Variants in CRYBB2 observed in about 807,000 individuals in gnomAD.
CRYBB2 encodes the protein beta-crystallin B2.
CRYBB2 carries 12 observed loss-of-function variants against 24.3 expected under a neutral mutation model. The observed-to-expected ratio is 0.49, with a 90% CI of 0.32 to 0.80. CRYBB2 has a LOEUF of 0.80. Among genes scored for constraint, CRYBB2 ranks in the 30% least tolerant of loss-of-function variants. The pLI, the probability that CRYBB2 is intolerant of heterozygous loss-of-function variation, is 0.04. For synonymous variants in CRYBB2, 98 were observed against 101.6 expected, an observed-to-expected ratio of 0.96 and a Z score of 0.21; for missense variants, 198 against 268.5, an observed-to-expected ratio of 0.74 and a Z score of 1.83.
upstream of CRYBB2, among the ~76,000 whole-genome samples, chr22:25,218,204 A>T (rs1464885294): frequency 6.6e-6 from 1 of 151,718 alleles, no homozygotes; most frequent in South Asian, 2.1e-4. Context: ...GCTTGCAGTG[A>T]GCTGAGATCG....
At position 25,231,632 on chromosome 22, in the gene CRYBB2, C is replaced by G. The variant is rs1388838236; in HGVS notation, c.478C>G (p.Arg160Gly). ...TWVGYQYPGY[R>G]GLQYLLEKGD... The stretch of plus-strand genomic sequence containing the variant: ...GGTTGGCTACCAGTACCCCGGCTAC[C>G]GTGGGCTGCAGTACCTGCTGGAGAA... The change falls in exon 6 of 6, where the codon CGT (arginine) becomes GGT (glycine). Residue 160 changes from arginine to glycine, a missense_variant. Arg to Gly is a moderately radical substitution (Grantham distance 125). Coordinates refer to ENST00000398215, the MANE Select transcript of CRYBB2 (RefSeq NM_000496.3). The G allele has an allele frequency of 1.9e-6, 3 of 1,614,162 alleles. No homozygotes were observed. The highest frequency in any genetic ancestry group is 2.2e-5 in the South Asian group (2 of 91,086).
rs901790107 is a variant in CRYBB2, at chr22:25,230,259, C to T, written c.449+681C>T. ...GCAACCTCCGCCTCCCAGGTTCAAGCGATTCTCCTGCCTTATCCTCCCAAG... is the reference window on the plus strand; with the variant it reads ...GCAACCTCCGCCTCCCAGGTTCAAGTGATTCTCCTGCCTTATCCTCCCAAG... On this transcript the variant is annotated intron_variant, in intron 5 of 5. Coordinates refer to ENST00000398215, the MANE Select transcript of CRYBB2 (RefSeq NM_000496.3). Among the ~76,000 whole-genome samples the T allele has an allele frequency of 6.0e-5, 9 of 149,732 alleles. No homozygotes were observed. In the South Asian group the frequency reaches 1.7e-3, roughly 29 times the overall value.
At chr22:25,230,187 C>T (rs1366573994) in intron 5 of CRYBB2, among the ~76,000 whole-genome samples, 4 of 149,660 alleles carry the variant, frequency 2.7e-5, no homozygotes, top group South Asian at 2.2e-4. Flanking sequence ...GACGGAGGCG[C>T]GCACTTTCGC....
intron 1 of CRYBB2, among the ~76,000 whole-genome samples, chr22:25,220,337 G>C (rs888633107): frequency 6.6e-6 from 1 of 152,220 alleles, no homozygotes; most frequent in Non-Finnish European, 1.5e-5. Flanking sequence ...TTATAGAACA[G>C]GAAGTTGAGG....
upstream of CRYBB2, among the ~76,000 whole-genome samples, chr22:25,218,224 A>C (rs1365691441): frequency 6.6e-6 from 1 of 150,692 alleles, no homozygotes; most frequent in Non-Finnish European, 1.5e-5. Flanking sequence ...GTGCCACTGC[A>C]CTCCAGCCTG....
In CRYBB2 at chr22:25,231,613, C is replaced by T; in HGVS notation, c.459C>T (p.Gly153=). 6.2e-7 allele frequency: 1 copy of T among 1,614,180 alleles called. No homozygotes were observed. The highest frequency in any genetic ancestry group is 8.5e-7 in the Non-Finnish European group (1 of 1,180,018). Residue 153 remains glycine (G), a synonymous_variant, in exon 6 of 6, where the codon GGC becomes GGT. Coordinates refer to ENST00000398215, the MANE Select transcript of CRYBB2 (RefSeq NM_000496.3). ...SVRVQSGTWV[G]YQYPGYRGLQ... is the part of the protein sequence containing the mutation. ...ACCTCTGGCCCTGCAGGTGGGTTGG[C>T]TACCAGTACCCCGGCTACCGTGGGC...
chr22:25,221,898 CT>C (rs1226741434), intron 2 of CRYBB2, among the ~76,000 whole-genome samples: 1 of 152,228 alleles, frequency 6.6e-6, no homozygotes, highest in African/African-American at 2.4e-5. Context: ...TCAGTTCCAT[CT>C]CTATAAAAGG....
intron 2 of CRYBB2, among the ~76,000 whole-genome samples, chr22:25,224,609 T>C (rs1377231941): frequency 6.6e-6 from 1 of 152,080 alleles, no homozygotes; most frequent in African/African-American, 2.4e-5. Context: ...GCTCAAGCAA[T>C]CCTCCCACCT....
intron 3 of CRYBB2, among the ~76,000 whole-genome samples, chr22:25,227,058 C>T (rs141149031): frequency 6.6e-6 from 1 of 152,334 alleles, no homozygotes; most frequent in Non-Finnish European, 1.5e-5. Flanking sequence ...ACAATAAACA[C>T]GACCTCCTCT....
chr22:25,218,777 G>GA (rs35584547), upstream of CRYBB2, among the ~76,000 whole-genome samples: 111 of 26,024 alleles, frequency 4.3e-3, no homozygotes, highest in South Asian at 8.1e-3. Context: ...GAGAGAGAGA[G>GA]AGAAGAAAGA....
At chr22:25,218,629 G>C (rs978555845), upstream of CRYBB2, among the ~76,000 whole-genome samples, 2 of 149,768 alleles carry the variant, frequency 1.3e-5, no homozygotes, top group Non-Finnish European at 3.0e-5. Context: ...TCACACCACT[G>C]CACTCCAGCC....
At chr22:25,226,172 G>C (rs1168201963) in intron 3 of CRYBB2, among the ~76,000 whole-genome samples, 77 of 19,974 alleles carry the variant, frequency 3.9e-3, no homozygotes, top group African/African-American at 8.6e-3. Context: ...ATTTCTCTGT[G>C]TGTGTGTGTG....
chr22:25,219,008 T>C (rs1935276130), upstream of CRYBB2, among the ~76,000 whole-genome samples: 1 of 152,148 alleles, frequency 6.6e-6, no homozygotes, highest in African/African-American at 2.4e-5. Context: ...TTAACCTGTT[T>C]TCAGGTCTTC....
chr22:25,228,142 C>T (rs1258162956), intron 4 of CRYBB2, among the ~76,000 whole-genome samples, 157 bp downstream of exon 4: 1 of 151,416 alleles, frequency 6.6e-6, no homozygotes, highest in Non-Finnish European at 1.5e-5. Flanking sequence ...ACTGGGTGAC[C>T]TTGCAAAAGT....
rs368672977 is a variant in CRYBB2, at chr22:25,228,959, C to T, written c.307-477C>T. ...GCACGTGTGTGCGCGCAAGTGTGTG[C>T]GTGTGTCCATGTGTGTGTGCACGCA... On this transcript the variant is annotated intron_variant, in intron 4 of 5. Transcript: ENST00000398215. Among the ~76,000 whole-genome samples, 76 of 148,642 alleles carry T rather than the reference C, an allele frequency of 5.1e-4. 1 individual carries two copies. Among genetic ancestry groups the T allele is most frequent in the African/African-American group, 1.2e-3 (47 of 40,164 alleles).
upstream of CRYBB2, among the ~76,000 whole-genome samples, chr22:25,218,769 G>GAAAA (rs1935245723): frequency 5.3e-5 from 2 of 37,482 alleles, no homozygotes; most frequent in Admixed American, 3.0e-4. Flanking sequence ...GAGAGAGAGA[G>GAAAA]AGAGAGAGAG....
upstream of CRYBB2, among the ~76,000 whole-genome samples, chr22:25,215,257 G>A (rs1185794084): frequency 3.3e-5 from 5 of 152,256 alleles, no homozygotes; most frequent in African/African-American, 7.2e-5. Context: ...CGCCCATGGT[G>A]GAAAATCACT....
chr22:25,229,146 T>G lies in CRYBB2; in HGVS notation c.307-290T>G, dbSNP rs544999288. ...GTGTTCACATGTGGGTGGGTAGGTA[T>G]ATCGTAGCCACCATTTATAAAAGAG... On this transcript the variant is annotated intron_variant, in intron 4 of 5. Coordinates refer to ENST00000398215, the MANE Select transcript of CRYBB2 (RefSeq NM_000496.3). Among the ~76,000 whole-genome samples the G allele has an allele frequency of 2.2e-4, 34 of 152,272 alleles. No individual in the cohort carries two copies. The South Asian group carries it at 3.1e-3, about 14-fold the overall frequency.
chr22:25,221,527 A>T (rs781567966), intron 2 of CRYBB2, 44 bp downstream of exon 2: 5 of 1,466,716 alleles, frequency 3.4e-6, no homozygotes, highest in Non-Finnish European at 9.6e-7. Context: ...CTCCTCCCCC[A>T]GACTTAGTTG....
Sources: allele counts gnomAD v4.1 joint callset (sites outside exome capture counted in the v4.1 genomes callset), GRCh38; gene constraint gnomAD v4.1.1; transcripts MANE v1.5; gene names NCBI Gene and HGNC (gene_info 2026-07-23, HGNC 2026-07-21).